PCDH15: variants seen among roughly 807,000 people sequenced by gnomAD.
The protein encoded by PCDH15 is protocadherin related 15.
PCDH15 carries 129 observed loss-of-function variants against 178.5 expected under a neutral mutation model. That is an observed-to-expected ratio of 0.72 (90% CI 0.63 to 0.84). PCDH15 has a LOEUF of 0.84. Ranked by LOEUF, PCDH15 falls within the 40% of genes least tolerant of loss-of-function variation. PCDH15 has a pLI of 0.00. For synonymous variants in PCDH15, 800 were observed against 732.0 expected, an observed-to-expected ratio of 1.09 and a Z score of -1.50; for missense variants, 2,230 against 2,099.9, an observed-to-expected ratio of 1.06 and a Z score of -1.21.
intron 2 of PCDH15, among the ~76,000 whole-genome samples, chr10:55,605,417 A>C (rs1387147078): frequency 6.6e-5 from 10 of 151,072 alleles, no homozygotes; most frequent in South Asian, 4.2e-4. Context: ...TCATTCTGAT[A>C]CCAAAGCCGG....
chr10:55,216,327 T>C (rs1390502303), intron 1 of PCDH15, among the ~76,000 whole-genome samples: 2 of 152,014 alleles, frequency 1.3e-5, no homozygotes, highest in Admixed American at 1.3e-4. Context: ...TCAATTTCAA[T>C]TATTAAATAT....
rs189097976 is a variant in PCDH15 at position 55,206,087 on chromosome 10, G to C, written c.-155-39436C>G. 4.2e-3 allele frequency among the ~76,000 whole-genome samples: 640 copies of C among 152,004 alleles called. 6 individuals are homozygous for C. The highest frequency in any genetic ancestry group is 8.8e-3 in the Admixed American group (134 of 15,272). On this transcript the variant is annotated intron_variant, in intron 1 of 5. Coordinates refer to the PCDH15 transcript ENST00000458638. ...GGGAAGTATGGGAGCTACAATATGC[G>C]ATTTGGGTGGGGACACAGGGCCAAA...
chr10:55,441,859 G>T (rs1839195388), intron 2 of PCDH15, among the ~76,000 whole-genome samples: 1 of 152,108 alleles, frequency 6.6e-6, no homozygotes, highest in South Asian at 2.1e-4. Flanking sequence ...GCCTTACATG[G>T]CATCACAAGT....
chr10:54,853,310 T>C (rs796132979), intron 3 of PCDH15, among the ~76,000 whole-genome samples: 8,944 of 99,136 alleles, frequency 0.09, 437 homozygotes, highest in East Asian at 0.22. Flanking sequence ...TATATATATA[T>C]ATATATATAC....
At chr10:54,607,731 TATTAGATTGCTCAATAAATCA>T (rs1352398198) in intron 2 of PCDH15, 2 of 281,428 alleles carry the variant, frequency 7.1e-6, no homozygotes, top group African/African-American at 2.3e-5. Context: ...TTAGAAAAAA[TATTAGATTGCTCAATAAATCA>T]ATGGTAACTT....
chr10:55,447,859 T>C (rs947499447), intron 2 of PCDH15, among the ~76,000 whole-genome samples: 8 of 151,480 alleles, frequency 5.3e-5, no homozygotes, highest in African/African-American at 1.9e-4. Flanking sequence ...AAGTGTGGAG[T>C]ATAAGTGTAA....
chr10:55,480,985 A>G (rs1312749650), intron 2 of PCDH15, among the ~76,000 whole-genome samples: 1 of 151,654 alleles, frequency 6.6e-6, no homozygotes, highest in Non-Finnish European at 1.5e-5. Context: ...TTAGGTTGAT[A>G]GGCTATTTAT....
intron 2 of PCDH15, among the ~76,000 whole-genome samples, chr10:55,066,676 A>G (rs548235871): frequency 1.4e-4 from 21 of 150,304 alleles, no homozygotes; most frequent in African/African-American, 4.8e-4. Context: ...TAGAGATTGG[A>G]CTGTTAATTT....
chr10:54,799,180 T>C (rs1000457965), intron 1 of PCDH15, among the ~76,000 whole-genome samples: 7 of 152,116 alleles, frequency 4.6e-5, no homozygotes, highest in Admixed American at 1.3e-4. Context: ...GCCTTTAATT[T>C]CAAACATAAG....
chr10:54,771,286 A>C (rs571802594), intron 1 of PCDH15, among the ~76,000 whole-genome samples: 1 of 152,034 alleles, frequency 6.6e-6, no homozygotes, highest in South Asian at 2.1e-4. Context: ...ACTATTTTAG[A>C]TAGGCCTAGC....
intron 2 of PCDH15, among the ~76,000 whole-genome samples, chr10:55,563,955 T>C (rs577653062): frequency 6.6e-6 from 1 of 151,944 alleles, no homozygotes; most frequent in East Asian, 1.9e-4. Flanking sequence ...GGACATTAGA[T>C]AGTAACTCAA....
At chr10:55,404,528 A>G (rs1838152840) in intron 2 of PCDH15, among the ~76,000 whole-genome samples, 2 of 152,062 alleles carry the variant, frequency 1.3e-5, no homozygotes, top group East Asian at 3.9e-4. Context: ...TGATCAGACT[A>G]TAAGTGGGGA....
At chr10:55,556,109 T>A (rs1249243304) in intron 2 of PCDH15, among the ~76,000 whole-genome samples, 1 of 152,146 alleles carries the variant, frequency 6.6e-6, no homozygotes, top group Admixed American at 6.6e-5. Flanking sequence ...TAGCTCTAGA[T>A]TATTAATTTT....
Position 54,079,433 on chromosome 10 carries a change from AAAAC to A in PCDH15, c.1998-13_1998-10del, listed in dbSNP as rs763135922. The A allele has an allele frequency of 4.5e-5, 73 of 1,607,962 alleles. No individual in the cohort carries two copies. Among genetic ancestry groups the A allele is most frequent in the South Asian group, 7.7e-5 (7 of 90,978 alleles). On this transcript the variant is annotated splice_polypyrimidine_tract_variant and intron_variant, in intron 16 of 37. Coordinates refer to ENST00000644397, the MANE Select transcript of PCDH15 (RefSeq NM_001384140.1). ...AGGTTAGAATCCCCGTGCTAGTGAC[AAAAC>A]AAACAAACAAATAAGACAAAAAGAG... is the stretch of plus-strand genomic sequence containing the variant.
chr10:54,189,341 C>G, intron 11 of PCDH15: 2 of 1,567,878 alleles, frequency 1.3e-6, no homozygotes, highest in Non-Finnish European at 1.7e-6. Context: ...AGAACAATCA[C>G]AAGCTTAACA....
intron 21 of PCDH15, among the ~76,000 whole-genome samples, chr10:53,966,349 C>G (rs2593133): frequency 0.71 from 107,899 of 152,022 alleles, 38,650 homozygotes; most frequent in East Asian, 0.87. Flanking sequence ...AGACTTTCCT[C>G]TCAAAACATT....
At chr10:54,232,285 C>A (rs956123907) in intron 9 of PCDH15, among the ~76,000 whole-genome samples, 1 of 152,148 alleles carries the variant, frequency 6.6e-6, no homozygotes, top group Non-Finnish European at 1.5e-5. Flanking sequence ...CCTGCTCTGG[C>A]CACGTAAGAT....
chr10:55,062,187 G>A (rs540937803), intron 2 of PCDH15, among the ~76,000 whole-genome samples: 2 of 152,292 alleles, frequency 1.3e-5, no homozygotes, highest in African/African-American at 2.4e-5. Flanking sequence ...GGTCATGAGT[G>A]GAGCTCTCAT....
intron 2 of PCDH15, among the ~76,000 whole-genome samples, chr10:54,534,307 A>G (rs1366494983): frequency 6.6e-6 from 1 of 152,202 alleles, no homozygotes; most frequent in Non-Finnish European, 1.5e-5. Context: ...TATTAAGAAT[A>G]AAAGTAATTA....
Sources: allele counts gnomAD v4.1 joint callset (sites outside exome capture counted in the v4.1 genomes callset), GRCh38; gene constraint gnomAD v4.1.1; transcripts MANE v1.5; gene names NCBI Gene and HGNC (gene_info 2026-07-23, HGNC 2026-07-21).